ABCB10: variants seen among roughly 807,000 people sequenced by gnomAD.
ABCB10 encodes ATP-binding cassette sub-family B member 10, mitochondrial.
A neutral mutation model predicts 65.4 loss-of-function variants in ABCB10; 54 were observed. The observed-to-expected ratio is 0.83, with a 90% CI of 0.66 to 1.04. ABCB10 has a LOEUF of 1.04. Among genes scored for constraint, ABCB10 ranks in the 50% least tolerant of loss-of-function variants. ABCB10 has a pLI of 0.00. For missense variants in ABCB10, 846 were observed against 976.6 expected (o/e 0.87, Z 1.78); for synonymous variants, 418 against 406.5 (o/e 1.03, Z -0.34).
intron 8 of ABCB10, among the ~76,000 whole-genome samples, chr1:229,528,139 G>C (rs1333657914): frequency 6.6e-6 from 1 of 152,168 alleles, no homozygotes; most frequent in Non-Finnish European, 1.5e-5. Flanking sequence ...AAGCCAGCTG[G>C]AAATGTTCAC....
chr1:229,542,415 G>A lies in ABCB10; in HGVS notation c.922-44C>T, dbSNP rs541415056. 8.3e-5 allele frequency: 133 copies of A among 1,594,478 alleles called. 1 individual carries two copies. The East Asian group carries it at 3.0e-3, about 36-fold the overall frequency. On this transcript the variant is annotated intron_variant, in intron 3 of 12. Transcript: ENST00000344517. ...AATTCAGAGGTGTTTGTTACATTGG[G>A]TGGCAAGACATTCTCATTACCTACG... is the stretch of plus-strand genomic sequence containing the variant.
intron 8 of ABCB10, among the ~76,000 whole-genome samples, chr1:229,527,936 G>A (rs141501373): frequency 1.6e-4 from 25 of 152,318 alleles, no homozygotes; most frequent in African/African-American, 5.1e-4. Context: ...CTTAGTTGGT[G>A]AGGAATCTGT....
intron 3 of ABCB10, 82 bp from the exon 4 acceptor site, chr1:229,542,453 G>GTGTGTGGGTGTGTC: frequency 6.7e-7 from 1 of 1,486,284 alleles, no homozygotes; most frequent in Non-Finnish European, 9.1e-7. Context: ...AGGGGAGTGT[G>GTGTGTGGGTGTGTC]TGTGTGGGTG....
intron 10 of ABCB10, among the ~76,000 whole-genome samples, chr1:229,524,350 A>C (rs1662382777): frequency 6.6e-6 from 1 of 151,932 alleles, no homozygotes; most frequent in African/African-American, 2.4e-5. Flanking sequence ...TTTGGTAGAG[A>C]GGGGGTCTCA....
Position 229,539,462 on chromosome 1 carries a change from T to A in ABCB10, c.1333A>T (p.Ile445Phe). The change falls in exon 6 of 13, where the codon ATT becomes TTT. Residue 445 changes from isoleucine to phenylalanine, a missense_variant. This residue lies in a region of ABCB10 where 632 missense variants were observed against 803.2 expected (regional missense o/e 0.79). Transcript: ENST00000344517. Reference protein sequence around the residue: ...LMYAFWVGISIGGLSSFYSEL... With the variant: ...LMYAFWVGISFGGLSSFYSEL... ...GCCTATTTAAATTATTTACCTCCAA[T>A]GCTTATTCCAACCCAGAAAGCATAC... 2 of 1,614,010 alleles carry A rather than the reference T, an allele frequency of 1.2e-6. No individual in the cohort carries two copies. Among genetic ancestry groups the A allele is most frequent in the South Asian group, 2.2e-5 (2 of 91,078 alleles).
rs1662210657 is a variant in ABCB10, at chr1:229,517,871, T to G, written c.*308A>C. The G allele has an allele frequency of 1.3e-5, 3 of 237,246 alleles. No homozygotes were observed. The highest frequency in any genetic ancestry group is 4.6e-5 in the African/African-American group (2 of 43,618). The allele number at this position is 237,246 out of a possible 1,614,324, so 14.7% of individuals were successfully genotyped here. On this transcript the variant is annotated 3_prime_UTR_variant, in exon 13 of 13. Coordinates refer to ENST00000344517, the MANE Select transcript of ABCB10 (RefSeq NM_012089.3). ...GTCATTTGACAATAGCTTCAATCTT[T>G]AACAGCAGGCAAAAGAAAATGAGGT...
At chr1:229,547,007 G>C (rs900343254) in intron 3 of ABCB10, among the ~76,000 whole-genome samples, 4 of 152,138 alleles carry the variant, frequency 2.6e-5, no homozygotes, top group Admixed American at 2.6e-4. Flanking sequence ...CTGCAGCACT[G>C]GGCTGAATAG....
chr1:229,554,905 G>A (rs1404790920), intron 1 of ABCB10, among the ~76,000 whole-genome samples: 1 of 152,066 alleles, frequency 6.6e-6, no homozygotes, highest in Non-Finnish European at 1.5e-5. Context: ...GGTCACTCAC[G>A]GCCCATCTTC....
intron 7 of ABCB10, among the ~76,000 whole-genome samples, chr1:229,531,314 G>T (rs1261746474): frequency 1.3e-5 from 2 of 152,142 alleles, no homozygotes; most frequent in Non-Finnish European, 2.9e-5. Context: ...TGGTAAACTA[G>T]CTGGGACACA....
chr1:229,558,432 C>T lies in ABCB10; in HGVS notation c.221G>A (p.Gly74Asp), dbSNP rs924569051. Residue 74 changes from glycine (G) to aspartate (D), a missense_variant, in exon 1 of 13, where the codon GGC (glycine) becomes GAC (aspartate). Transcript: ENST00000344517. ...GCCCCGCGAGGCGCCCGGACCCCCGCCCCGGCAGCCGCTCCTCCAGCGGCG... is the reference window on the plus strand; with the variant it reads ...GCCCCGCGAGGCGCCCGGACCCCCGTCCCGGCAGCCGCTCCTCCAGCGGCG... ...AARRWRSGCR[G>D]GGPGASRGVL... 3 of 1,209,896 alleles carry T rather than the reference C, an allele frequency of 2.5e-6. No homozygotes were observed. The highest frequency in any genetic ancestry group is 3.2e-5 in the African/African-American group (2 of 62,036). 74.9% of individuals were successfully genotyped at this position (1,209,896 alleles called of 1,614,324 possible).
At position 229,549,170 on chromosome 1, in the gene ABCB10, C is replaced by G. The variant is rs1298110395; in HGVS notation, c.718+64G>C. The G allele has an allele frequency of 3.8e-6, 6 of 1,580,196 alleles. No homozygotes were observed. The African/African-American group carries it at 8.1e-5, about 21-fold the overall frequency. On this transcript the variant is annotated intron_variant, in intron 2 of 12. Coordinates refer to ENST00000344517, the MANE Select transcript of ABCB10 (RefSeq NM_012089.3). Reference sequence around the variant, plus strand: ...GGAGCACATGAGATTTGAGCCCGAACAAACCCACAGGACTCTACATCTTCT... The same window carrying G: ...GGAGCACATGAGATTTGAGCCCGAAGAAACCCACAGGACTCTACATCTTCT...
chr1:229,536,850 A>AG (rs1662732175), intron 6 of ABCB10, among the ~76,000 whole-genome samples: 1 of 151,634 alleles, frequency 6.6e-6, no homozygotes. Flanking sequence ...TCAGCTACTC[A>AG]GGGGGCTGAG....
chr1:229,555,994 AAAT>A (rs1428768864), intron 1 of ABCB10, among the ~76,000 whole-genome samples: 2 of 151,984 alleles, frequency 1.3e-5, no homozygotes, highest in Admixed American at 1.3e-4. Context: ...AAAAAAAAAA[AAAT>A]AGTGTGCCAA....
intron 11 of ABCB10, among the ~76,000 whole-genome samples, chr1:229,519,394 C>T (rs1053193703): frequency 1.3e-5 from 2 of 152,262 alleles, no homozygotes; most frequent in East Asian, 1.9e-4. Context: ...GACCAGGTAT[C>T]GTTCATAGCA....
chr1:229,557,345 C>A (rs1571806686), intron 1 of ABCB10, among the ~76,000 whole-genome samples: 4 of 152,312 alleles, frequency 2.6e-5, no homozygotes, highest in Admixed American at 2.6e-4. Flanking sequence ...AAGTGAGGAC[C>A]ATGTTTCCTT....
Position 229,558,363 on chromosome 1 carries a change from G to A in ABCB10, c.290C>T (p.Pro97Leu). The change falls in exon 1 of 13, where the codon CCC becomes CTC. Residue 97 changes from proline to leucine, a missense_variant. By Grantham distance (98) the Pro-to-Leu change is moderately conservative. Transcript: ENST00000344517. ...AAAAGCCCCGCACCTGCAGCTGCCGGGGCCGCGAGCCCACAGCCCCAGGAG... is the reference window on the plus strand; with the variant it reads ...AAAAGCCCCGCACCTGCAGCTGCCGAGGCCGCGAGCCCACAGCCCCAGGAG... ...ARLLGLWARG[P>L]GSCRCGAFAG... 8.0e-7 allele frequency: 1 copy of A among 1,252,330 alleles called. No homozygotes were observed. The highest frequency in any genetic ancestry group is 4.5e-5 in the East Asian group (1 of 22,466). The allele number at this position is 1,252,330 out of a possible 1,614,324, so 77.6% of individuals were successfully genotyped here.
intron 11 of ABCB10, among the ~76,000 whole-genome samples, chr1:229,521,068 C>CT (rs66964870): frequency 3.4e-3 from 500 of 145,050 alleles, no homozygotes; most frequent in African/African-American, 9.7e-3. Context: ...AGTAAAGCTG[C>CT]TTTTTTTTTT....
intron 6 of ABCB10, among the ~76,000 whole-genome samples, chr1:229,534,362 G>C (rs1370281941): frequency 6.6e-6 from 1 of 152,114 alleles, no homozygotes; most frequent in Non-Finnish European, 1.5e-5. Context: ...GGCAGTTTGG[G>C]AGTTTCTTAC....
rs200635064 is a variant in ABCB10, at chr1:229,542,310, A to G, written c.983T>C (p.Ile328Thr). Residue 328 changes from isoleucine (I) to threonine (T), a missense_variant, in exon 4 of 13, where the codon ATT becomes ACT. By Grantham distance (89) the Ile-to-Thr change is moderately conservative. Around this residue, in one of 2 missense-constraint regions of ABCB10, gnomAD observed 632 missense variants for 803.2 expected, o/e 0.79. Coordinates refer to ENST00000344517, the MANE Select transcript of ABCB10 (RefSeq NM_012089.3). ...TAGATATCGCCCATAAATTACAGCA[A>G]TGATTGACACTGGAGGCACCACGCT... ...VLSVVPPVSI[I>T]AVIYGRYLRK... The G allele has an allele frequency of 7.6e-5, 122 of 1,614,002 alleles. No individual in the cohort carries two copies. Among genetic ancestry groups the G allele is most frequent in the Non-Finnish European group, 1.0e-4 (120 of 1,180,026 alleles).
Sources: allele counts gnomAD v4.1 joint callset (sites outside exome capture counted in the v4.1 genomes callset), GRCh38; gene constraint gnomAD v4.1.1; regional missense constraint gnomAD v4.1.1; transcripts MANE v1.5; gene names NCBI Gene and HGNC (gene_info 2026-07-23, HGNC 2026-07-21).